EPX: variants seen among roughly 807,000 people sequenced by gnomAD.
EPX encodes eosinophil peroxidase.
Under a neutral mutation model 73.0 loss-of-function variants are expected in EPX, and 60 were observed. The ratio of observed to expected loss-of-function variants is 0.82; its 90% confidence interval spans 0.67 to 1.02. The LOEUF (loss-of-function observed/expected upper bound fraction) is 1.02. Among genes scored for constraint, EPX ranks in the 50% least tolerant of loss-of-function variants. EPX has a pLI of 0.00. For synonymous variants in EPX, 347 were observed against 389.2 expected (o/e 0.89, Z 1.28); for missense variants, 950 against 973.9 (o/e 0.98, Z 0.33).
intron 6 of EPX, among the ~76,000 whole-genome samples, chr17:58,195,960 C>CTCTT (rs201086190): frequency 7.3e-5 from 11 of 151,384 alleles, no homozygotes; most frequent in South Asian, 6.3e-4. Flanking sequence ...TTCTTCCTTC[C>CTCTT]TCTTTCTTTC....
chr17:58,198,888 A>G (rs1253552847), intron 7 of EPX, 152 bp from the exon 8 acceptor site: 2 of 791,092 alleles, frequency 2.5e-6, no homozygotes, highest in Non-Finnish European at 2.2e-6. Context: ...GGTGGCGATG[A>G]GGAGCCTCAG....
intron 7 of EPX, among the ~76,000 whole-genome samples, chr17:58,198,587 G>A (rs976093943): frequency 2.0e-5 from 3 of 152,260 alleles, no homozygotes; most frequent in Non-Finnish European, 2.9e-5. Context: ...TCTGGTTCAC[G>A]GGGGAGAGCA....
rs1191923052 is a variant in EPX, at chr17:58,197,132, T to TG, written c.999dup (p.Leu334AlafsTer24). The TG allele has an allele frequency of 6.2e-7, 1 of 1,614,052 alleles. No homozygotes were observed. Among genetic ancestry groups the TG allele is most frequent in the Non-Finnish European group, 8.5e-7 (1 of 1,180,044 alleles). On this transcript the variant is annotated frameshift_variant, in exon 7 of 13. Transcript: ENST00000225371. LOFTEE classifies it high-confidence loss of function. ...CGGCTCCGCAACCGGACCAACTACC[T>TG]GGGGCTGCTGGCCATCAACCAGCGC...
rs762138875 is a variant in EPX at position 58,195,068 on chromosome 17, T to C, written c.699T>C (p.His233=). The part of the protein sequence containing the change: ...MFMQWGQFID[H]DLDFSPESPA... ...TGCAGTGGGGCCAGTTCATTGACCA[T>C]GACCTGGACTTCTCCCCGGAGTCCC... The change falls in exon 6 of 13, where the codon CAT becomes CAC. Residue 233 remains histidine (H), a synonymous_variant. Coordinates refer to ENST00000225371, the MANE Select transcript of EPX (RefSeq NM_000502.6). The C allele has an allele frequency of 8.7e-6, 14 of 1,613,980 alleles. No individual in the cohort carries two copies. Among genetic ancestry groups the C allele is most frequent in the Admixed American group, 1.7e-5 (1 of 60,012 alleles).
rs1405624098 is a variant in EPX, at chr17:58,204,824, C to T, written c.*100C>T. On this transcript the variant is annotated 3_prime_UTR_variant, in exon 13 of 13. Coordinates refer to ENST00000225371, the MANE Select transcript of EPX (RefSeq NM_000502.6). The stretch of plus-strand genomic sequence containing the variant: ...GTCTCCCTGGAGCAAGTGCAGGCTG[C>T]TGACGCTTCTGCTGGCTACAGCTCA... 1 of 246,326 alleles carries T rather than the reference C, an allele frequency of 4.1e-6. No individual in the cohort carries two copies. Among genetic ancestry groups the T allele is most frequent in the East Asian group, 9.8e-5 (1 of 10,246 alleles). 15.3% of individuals were successfully genotyped at this position (246,326 alleles called of 1,614,324 possible).
Position 58,194,995 on chromosome 17 carries a change from T to TC in EPX, c.630dup (p.Asn211GlnfsTer2). ...GCTGTCTCCAACCAGATTGTGCGCT[T>TC]CCCCAATGAGAGACTGACCTCCGAC... On this transcript the variant is annotated frameshift_variant, in exon 6 of 13. Coordinates refer to ENST00000225371, the MANE Select transcript of EPX (RefSeq NM_000502.6). LOFTEE classifies it high-confidence loss of function. The TC allele has an allele frequency of 6.2e-7, 1 of 1,614,080 alleles. No homozygotes were observed. Among genetic ancestry groups the TC allele is most frequent in the Non-Finnish European group, 8.5e-7 (1 of 1,179,960 alleles).
At chr17:58,203,366 A>G in intron 11 of EPX, 48 bp downstream of exon 11, 1 of 1,202,516 alleles carries the variant, frequency 8.3e-7, no homozygotes, top group Non-Finnish European at 1.2e-6. Context: ...GCAGAGCAGA[A>G]AAACACTAGC....
chr17:58,197,262 GA>G lies in EPX; in HGVS notation c.1120+6del. On this transcript the variant is annotated splice_donor_region_variant and intron_variant, in intron 7 of 12. Transcript: ENST00000225371. ...GCATCCCCTGCTTCCTGGCAGGTCA[GA>G]CAGGGAGGAAGGTGGTGTCTTCCCA... 1 of 1,610,404 alleles carries G rather than the reference GA, an allele frequency of 6.2e-7. No homozygotes were observed. The highest frequency in any genetic ancestry group is 8.5e-7 in the Non-Finnish European group (1 of 1,180,002).
At chr17:58,199,923 G>A in intron 9 of EPX, 129 bp downstream of exon 9, 1 of 1,052,224 alleles carries the variant, frequency 9.5e-7, no homozygotes, top group Non-Finnish European at 1.4e-6. Flanking sequence ...CCAGGACAGT[G>A]GAAACAAGGC....
At position 58,203,200 on chromosome 17, in the gene EPX, G is replaced by C. The variant is rs1317330045; in HGVS notation, c.1828G>C (p.Asp610His). The change falls in exon 11 of 13, where the codon GAC (aspartate) becomes CAC (histidine). Residue 610 changes from aspartate to histidine, a missense_variant. Asp to His is a moderately conservative substitution (Grantham distance 81). Coordinates refer to ENST00000225371, the MANE Select transcript of EPX (RefSeq NM_000502.6). ...GTTCCTGAATTTGTATGGAACACCT[G>C]ACAACATTGACATCTGGATTGGGGC... Reference protein sequence around the residue: ...RKFLNLYGTPDNIDIWIGAIA... With the variant: ...RKFLNLYGTPHNIDIWIGAIA... 4 of 1,614,144 alleles carry C rather than the reference G, an allele frequency of 2.5e-6. No individual in the cohort carries two copies. Among genetic ancestry groups the C allele is most frequent in the Non-Finnish European group, 3.4e-6 (4 of 1,179,998 alleles).
Position 58,204,909 on chromosome 17 carries a change from C to T in EPX, c.*185C>T, listed in dbSNP as rs529599480. The T allele has an allele frequency of 1.7e-5, 3 of 181,818 alleles. No homozygotes were observed. Among genetic ancestry groups the T allele is most frequent in the Non-Finnish European group, 3.5e-5 (3 of 84,964 alleles). The allele number at this position is 181,818 out of a possible 1,614,324, so 11.3% of individuals were successfully genotyped here. On this transcript the variant is annotated 3_prime_UTR_variant, in exon 13 of 13. Coordinates refer to ENST00000225371, the MANE Select transcript of EPX (RefSeq NM_000502.6). ...GGCTCCTATCAGCAATGGACCTTCC[C>T]GCCTTGGGAGCCTCTTAGGTATTAG... is the stretch of plus-strand genomic sequence containing the variant.
intron 2 of EPX, 84 bp downstream of exon 2, chr17:58,193,215 C>A: frequency 8.2e-7 from 1 of 1,222,130 alleles, no homozygotes; most frequent in Non-Finnish European, 1.2e-6. Flanking sequence ...CACTCATCAG[C>A]CACCTCTGGA....
Position 58,200,214 on chromosome 17 carries a change from C to A in EPX, c.1538-11C>A. The A allele has an allele frequency of 1.9e-6, 3 of 1,613,826 alleles. No homozygotes were observed. Among genetic ancestry groups the A allele is most frequent in the Non-Finnish European group, 2.5e-6 (3 of 1,179,866 alleles). On this transcript the variant is annotated splice_polypyrimidine_tract_variant and intron_variant, in intron 9 of 12. Coordinates refer to ENST00000225371, the MANE Select transcript of EPX (RefSeq NM_000502.6). ...GGTCCAATCTGTGCTGCTCACATTC[C>A]CTGCCACCAGGGGGCATCGACCCCA... is the stretch of plus-strand genomic sequence containing the variant.
At position 58,193,464 on chromosome 17, in the gene EPX, G is replaced by C; in HGVS notation, c.264G>C (p.Arg88=). The C allele has an allele frequency of 6.2e-7, 1 of 1,614,170 alleles. No individual in the cohort carries two copies. Among genetic ancestry groups the C allele is most frequent in the East Asian group, 2.2e-5 (1 of 44,888 alleles). ...TAGCAGCCACCAGGACAGTTGTTCG[G>C]GCCGCAGATTATATGCATGTGGCTT... ...QPVAATRTVV[R]AADYMHVALG... Residue 88 remains arginine (R), a synonymous_variant, in exon 3 of 13, where the codon CGG becomes CGC. Coordinates refer to ENST00000225371, the MANE Select transcript of EPX (RefSeq NM_000502.6).
chr17:58,199,311 C>T (rs999572844), intron 8 of EPX, 111 bp downstream of exon 8: 9 of 1,252,480 alleles, frequency 7.2e-6, no homozygotes, highest in Non-Finnish European at 1.0e-5. Context: ...GGGCAACTGG[C>T]GGAGCACCTG....
chr17:58,196,995 C>A lies in EPX; in HGVS notation c.858C>A (p.Arg286=), dbSNP rs756269102. The change falls in exon 7 of 13, where the codon CGC becomes CGA. Residue 286 remains arginine, a synonymous_variant. Coordinates refer to ENST00000225371, the MANE Select transcript of EPX (RefSeq NM_000502.6). ...KNQRDCIPFF[R]SAPSCPQNKN... ...AGCGTGACTGCATCCCTTTCTTCCG[C>A]TCGGCACCCTCATGCCCCCAAAACA... 6.2e-7 allele frequency: 1 copy of A among 1,614,170 alleles called. No homozygotes were observed. The highest frequency in any genetic ancestry group is 8.5e-7 in the Non-Finnish European group (1 of 1,180,008).
intron 7 of EPX, among the ~76,000 whole-genome samples, chr17:58,198,212 T>C (rs559578330): frequency 1.3e-5 from 2 of 152,322 alleles, no homozygotes; most frequent in South Asian, 4.1e-4. Context: ...TGTTCTCATT[T>C]TACGATAAGA....
Position 58,197,327 on chromosome 17 carries a change from G to T in EPX, c.1120+70G>T, listed in dbSNP as rs994130574. The T allele has an allele frequency of 2.1e-5, 33 of 1,565,584 alleles. No homozygotes were observed. The African/African-American group carries it at 3.9e-4, about 19-fold the overall frequency. On this transcript the variant is annotated intron_variant, in intron 7 of 12. Transcript: ENST00000225371. ...CCTGGGGTCCCAACTGGGAAGCAATGGTGGGATGTGGTGAAGGTACATGGT... is the reference window on the plus strand; with the variant it reads ...CCTGGGGTCCCAACTGGGAAGCAATTGTGGGATGTGGTGAAGGTACATGGT...
At position 58,203,260 on chromosome 17, in the gene EPX, G is replaced by A. The variant is rs1395487247; in HGVS notation, c.1888G>A (p.Gly630Arg). 1 of 1,614,178 alleles carries A rather than the reference G, an allele frequency of 6.2e-7. No individual in the cohort carries two copies. Among genetic ancestry groups the A allele is most frequent in the South Asian group, 1.1e-5 (1 of 91,086 alleles). The change falls in exon 11 of 13, where the codon GGG becomes AGG. Residue 630 changes from glycine to arginine, a missense_variant. Physicochemically the swap from Gly to Arg is moderately radical, Grantham distance 125 (BLOSUM62 -2). Coordinates refer to ENST00000225371, the MANE Select transcript of EPX (RefSeq NM_000502.6). ...AEPLLPGARV[G>R]PLLACLFENQ... ...GCCTCTTTTGCCGGGGGCTCGAGTGGGGCCTCTTCTGGCTTGTCTGTTCGA... is the reference window on the plus strand; with the variant it reads ...GCCTCTTTTGCCGGGGGCTCGAGTGAGGCCTCTTCTGGCTTGTCTGTTCGA...
Sources: gnomAD v4.1 joint callset for allele counts (sites outside exome capture counted in the v4.1 genomes callset) on GRCh38, gnomAD v4.1.1 for gene constraint, MANE v1.5 for transcripts, NCBI Gene and HGNC (gene_info 2026-07-23, HGNC 2026-07-21) for gene names.